Variants in HDAC9 observed in about 807,000 individuals in gnomAD.
HDAC9 encodes the protein MEF-2 interacting transcription repressor (MITR) protein.
In HDAC9, 41 loss-of-function variants were observed where a neutral mutation model predicts 139.4. The ratio of observed to expected loss-of-function variants is 0.29; its 90% CI spans 0.23 to 0.38. The LOEUF is 0.38. HDAC9 is among the 10% of genes least tolerant of loss of function. HDAC9 has a pLI of 1.00. For synonymous variants in HDAC9, 517 were observed against 476.2 expected (o/e 1.09, Z -1.12); for missense variants, 1,147 against 1,297.0 (o/e 0.88, Z 1.78).
intron 6 of HDAC9, among the ~76,000 whole-genome samples, chr7:18,614,303 C>T (rs377316845): frequency 6.6e-6 from 1 of 152,074 alleles, no homozygotes; most frequent in Non-Finnish European, 1.5e-5. Context: ...TCCGCCACAC[C>T]GCAAGACTTC....
At chr7:18,328,428 A>G (rs1800638937) in intron 1 of HDAC9, among the ~76,000 whole-genome samples, 1 of 151,950 alleles carries the variant, frequency 6.6e-6, no homozygotes, top group South Asian at 2.1e-4. Flanking sequence ...GTGTATAACC[A>G]AAATGCAAAT....
intron 2 of HDAC9, among the ~76,000 whole-genome samples, chr7:18,566,860 A>G (rs960004922): frequency 6.6e-6 from 1 of 152,222 alleles, no homozygotes; most frequent in Non-Finnish European, 1.5e-5. Context: ...AAGCATTTTC[A>G]GAGGAGTGTA....
intron 2 of HDAC9, among the ~76,000 whole-genome samples, chr7:18,547,799 A>G (rs1815499329): frequency 8.6e-6 from 1 of 115,860 alleles, no homozygotes; most frequent in Admixed American, 9.0e-5. Flanking sequence ...ATTCCATTTC[A>G]AGAAACCCCT....
At chr7:18,898,325 A>T (rs28465488) in intron 22 of HDAC9, among the ~76,000 whole-genome samples, 8,511 of 151,954 alleles carry the variant, frequency 0.056, 287 homozygotes, top group African/African-American at 0.089. Flanking sequence ...TGACAAGGTA[A>T]CTTGTATATG....
intron 24 of HDAC9, among the ~76,000 whole-genome samples, chr7:18,972,394 T>C (rs1035975863): frequency 4.4e-4 from 48 of 109,278 alleles, no homozygotes; most frequent in Non-Finnish European, 8.0e-4. Flanking sequence ...TTTTTTTTTT[T>C]TTTTGAGATG....
At chr7:18,819,535 C>G (rs1299293790) in intron 17 of HDAC9, among the ~76,000 whole-genome samples, 2 of 151,834 alleles carry the variant, frequency 1.3e-5, no homozygotes, top group African/African-American at 2.4e-5. Context: ...ATAGACTATG[C>G]CATAGATTTT....
chr7:18,308,959 A>G (rs1332538581), intron 1 of HDAC9, among the ~76,000 whole-genome samples: 1 of 152,206 alleles, frequency 6.6e-6, no homozygotes, highest in Non-Finnish European at 1.5e-5. Flanking sequence ...GAACCTGAAC[A>G]AAGTCACATG....
At chr7:18,506,609 G>T in intron 2 of HDAC9, among the ~76,000 whole-genome samples, 1 of 150,592 alleles carries the variant, frequency 6.6e-6, no homozygotes, top group African/African-American at 2.4e-5. Flanking sequence ...TTTAAGAATT[G>T]GTTTATGAAA....
chr7:18,418,293 C>T (rs114887429), intron 1 of HDAC9, among the ~76,000 whole-genome samples: 5,789 of 152,182 alleles, frequency 0.038, 119 homozygotes, highest in Middle Eastern at 0.068. Flanking sequence ...ACCAAAGTGT[C>T]CACTTCAGAG....
chr7:18,814,592 C>A (rs1032654901), intron 17 of HDAC9, among the ~76,000 whole-genome samples: 3 of 152,048 alleles, frequency 2.0e-5, no homozygotes, highest in Non-Finnish European at 4.4e-5. Context: ...CATGCTCACC[C>A]CCCACCCCAA....
chr7:18,218,974 A>C (rs767067278), intron 2 of HDAC9, among the ~76,000 whole-genome samples: 3 of 152,168 alleles, frequency 2.0e-5, no homozygotes, highest in Admixed American at 1.3e-4. Flanking sequence ...TTTACACATA[A>C]TGTCAAAATA....
At chr7:18,781,595 T>C (rs565089659) in intron 16 of HDAC9, among the ~76,000 whole-genome samples, 1 of 152,194 alleles carries the variant, frequency 6.6e-6, no homozygotes, top group East Asian at 1.9e-4. Context: ...TTACCTTTTC[T>C]TGTGAATCTA....
At chr7:18,382,135 G>A (rs1785499955) in intron 1 of HDAC9, among the ~76,000 whole-genome samples, 1 of 151,480 alleles carries the variant, frequency 6.6e-6, no homozygotes, top group South Asian at 2.1e-4. Flanking sequence ...TTTCCTTTAG[G>A]AAATATCCAA....
At chr7:18,485,957 C>T (rs1050836103) in intron 1 of HDAC9, among the ~76,000 whole-genome samples, 22 of 152,030 alleles carry the variant, frequency 1.4e-4, no homozygotes, top group Non-Finnish European at 2.6e-4. Flanking sequence ...ACAGACTGGG[C>T]AATTTATAAA....
intron 19 of HDAC9, among the ~76,000 whole-genome samples, chr7:18,830,787 T>A (rs1042988397): frequency 6.6e-6 from 1 of 152,188 alleles, no homozygotes; most frequent in Non-Finnish European, 1.5e-5. Context: ...TGAGTCTCAA[T>A]GTCAGGCATA....
chr7:18,310,897 C>G (rs759531465), intron 1 of HDAC9, among the ~76,000 whole-genome samples: 1 of 151,218 alleles, frequency 6.6e-6, no homozygotes, highest in Non-Finnish European at 1.5e-5. Context: ...TCTTTCTGAA[C>G]CATGTTATAC....
chr7:18,459,968 G>C (rs1793691912), intron 1 of HDAC9, among the ~76,000 whole-genome samples: 1 of 146,634 alleles, frequency 6.8e-6, no homozygotes, highest in Non-Finnish European at 1.5e-5. Flanking sequence ...TTTCGAGACA[G>C]AGGTTCTGCT....
At chr7:18,379,639 C>T (rs900137425) in intron 1 of HDAC9, among the ~76,000 whole-genome samples, 1 of 152,160 alleles carries the variant, frequency 6.6e-6, no homozygotes, top group East Asian at 1.9e-4. Context: ...CTTAAGTATG[C>T]AATCCTTTTC....
intron 2 of HDAC9, among the ~76,000 whole-genome samples, chr7:18,547,120 T>C (rs563902449): frequency 1.3e-5 from 2 of 152,374 alleles, no homozygotes; most frequent in African/African-American, 4.8e-5. Flanking sequence ...TTAAAATTGC[T>C]AATGATCATC....
Sources: allele counts gnomAD v4.1 joint callset (sites outside exome capture counted in the v4.1 genomes callset), GRCh38; gene constraint gnomAD v4.1.1; transcripts MANE v1.5; gene names NCBI Gene and HGNC (gene_info 2026-07-23, HGNC 2026-07-21).